RSPH10B2: variants seen among roughly 807,000 people sequenced by gnomAD.
RSPH10B2 encodes radial spoke head 10 homolog B2 (Chlamydomonas).
RSPH10B2 carries 9 observed loss-of-function variants against 49.0 expected under a neutral mutation model. The observed-to-expected ratio is 0.18, with a 90% CI of 0.11 to 0.32. The LOEUF (loss-of-function observed/expected upper bound fraction) is 0.32. Ranked by LOEUF, RSPH10B2 falls within the 10% of genes least tolerant of loss-of-function variation. The probability of loss-of-function intolerance (pLI) is 1.00; values close to 1 mark genes in which losing one functional copy is unlikely to be tolerated. For synonymous variants in RSPH10B2, 35 were observed against 210.2 expected, an observed-to-expected ratio of 0.17 and a Z score of 7.21; for missense variants, 95 against 589.9, an observed-to-expected ratio of 0.16 and a Z score of 8.69.
chr7:6,756,099 T>C (rs1196864782), upstream of RSPH10B2, among the ~76,000 whole-genome samples: 5 of 150,224 alleles, frequency 3.3e-5, no homozygotes, highest in Admixed American at 2.6e-4. Context: ...AAACCCCGTC[T>C]CTACTAAAAA....
intron 6 of RSPH10B2, among the ~76,000 whole-genome samples, chr7:6,768,382 G>T (rs1321099856): frequency 1.3e-5 from 2 of 151,896 alleles, no homozygotes; most frequent in Non-Finnish European, 2.9e-5. Flanking sequence ...TACAGACGAG[G>T]AACTTAGAGG....
chr7:6,756,235 A>G (rs1176000063), upstream of RSPH10B2, among the ~76,000 whole-genome samples: 23 of 140,258 alleles, frequency 1.6e-4, no homozygotes, highest in African/African-American at 6.3e-4. Context: ...GCACCACCGC[A>G]CTCCAGCCTG....
chr7:6,795,739 T>C (rs1349175380), intron 17 of RSPH10B2, among the ~76,000 whole-genome samples: 2 of 146,404 alleles, frequency 1.4e-5, no homozygotes, highest in Non-Finnish European at 3.0e-5. Flanking sequence ...CCAGCCTGGA[T>C]GACAGAGCAT....
In RSPH10B2 at chr7:6,766,943, A is replaced by G. The variant is rs1650813523; in HGVS notation, c.780+66A>G. 30 of 1,166,736 alleles carry G rather than the reference A, an allele frequency of 2.6e-5. 6 individuals are homozygous for G. The highest frequency in any genetic ancestry group is 3.3e-5 in the Non-Finnish European group (29 of 875,608). The allele number at this position is 1,166,736 out of a possible 1,614,324, so 72.3% of individuals were successfully genotyped here. A position where few individuals can be genotyped will look rare whatever the true frequency, so the allele number is the denominator to read the frequency against. Reference sequence around the variant, plus strand: ...TGCTCCGCCGATTCTCAACACATGTATATTTCTTTTTGGGTTTTGTTTTTG... The same window carrying G: ...TGCTCCGCCGATTCTCAACACATGTGTATTTCTTTTTGGGTTTTGTTTTTG... On this transcript the variant is annotated intron_variant, in intron 6 of 18. Transcript: ENST00000297186.
rs1372749392 is a variant in RSPH10B2, at chr7:6,782,062, C to T, written c.1758+586C>T. Among the ~76,000 whole-genome samples, 31 of 110,442 alleles carry T rather than the reference C, an allele frequency of 2.8e-4. 3 individuals carry two copies. The highest frequency in any genetic ancestry group is 7.0e-4 in the African/African-American group (20 of 28,450). The allele number at this position is 110,442 out of a possible 152,430, so 72.5% of individuals were successfully genotyped here. On this transcript the variant is annotated intron_variant, in intron 13 of 18. Coordinates refer to ENST00000297186, the Ensembl canonical transcript of RSPH10B2. ...CTAAGTAGCTGGGATTACAGGTGCCCGCCACCACACCTGGCTAATTTTTGT... is the reference window on the plus strand; with the variant it reads ...CTAAGTAGCTGGGATTACAGGTGCCTGCCACCACACCTGGCTAATTTTTGT...
chr7:6,780,908 G>A lies in RSPH10B2; in HGVS notation c.1609+20G>A, dbSNP rs1781912321. On this transcript the variant is annotated intron_variant, in intron 12 of 18. Coordinates refer to ENST00000297186, the Ensembl canonical transcript of RSPH10B2. ...TAAAAGGTAAATACAAAACCAATAG[G>A]ATTCTATTTACCGCCCCATTTTTTT... 1 of 1,419,398 alleles carries A rather than the reference G, an allele frequency of 7.0e-7. No homozygotes were observed. Among genetic ancestry groups the A allele is most frequent in the Non-Finnish European group, 9.3e-7 (1 of 1,073,764 alleles). 87.9% of individuals were successfully genotyped at this position (1,419,398 alleles called of 1,614,324 possible). A position where few individuals can be genotyped will look rare whatever the true frequency, so the allele number is the denominator to read the frequency against.
intron 4 of RSPH10B2, among the ~76,000 whole-genome samples, chr7:6,764,365 A>ATT (rs549293309): frequency 2.1e-5 from 3 of 145,616 alleles, no homozygotes; most frequent in South Asian, 4.6e-4. Flanking sequence ...CATTTTATTA[A>ATT]TTTTTTTTTT....
chr7:6,776,985 G>A lies in RSPH10B2; in HGVS notation c.1414+439G>A, dbSNP rs545345961. Among the ~76,000 whole-genome samples, 991 of 120,356 alleles carry A rather than the reference G, an allele frequency of 8.2e-3. 8 individuals carry two copies. Among genetic ancestry groups the A allele is most frequent in the African/African-American group, 0.029 (930 of 32,078 alleles). The allele number at this position is 120,356 out of a possible 152,430, so 79.0% of individuals were successfully genotyped here. On this transcript the variant is annotated intron_variant, in intron 10 of 18. Transcript: ENST00000297186. ...AGCAGTACTGGTCCATGGCCCGTTA[G>A]GAAACAGGCTACACAGTGGAAGGTG...
At chr7:6,791,733 G>T (rs1287941401) in intron 16 of RSPH10B2, among the ~76,000 whole-genome samples, 171 bp from the exon 19 acceptor site, 5 of 98,144 alleles carry the variant, frequency 5.1e-5, no homozygotes, top group Non-Finnish European at 9.3e-5. Flanking sequence ...AACAGAGCAA[G>T]ACTCTGTCTC....
At chr7:6,783,100 G>A (rs1782003756) in intron 13 of RSPH10B2, among the ~76,000 whole-genome samples, 1 of 111,640 alleles carries the variant, frequency 9.0e-6, no homozygotes, top group Non-Finnish European at 1.8e-5. Flanking sequence ...GTGAGGTCTC[G>A]GCTCACTGCA....
At chr7:6,774,206 T>G (rs1583510952) in intron 9 of RSPH10B2, among the ~76,000 whole-genome samples, 4 of 62,402 alleles carry the variant, frequency 6.4e-5, no homozygotes, top group Admixed American at 2.3e-4. Flanking sequence ...TGAGACGGAG[T>G]CCCTTTTGTC....
chr7:6,793,150 T>C lies in RSPH10B2; in HGVS notation c.2233+1153T>C, dbSNP rs1256291492. 3.7e-5 allele frequency among the ~76,000 whole-genome samples: 4 copies of C among 106,880 alleles called. 1 individual carries two copies. The highest frequency in any genetic ancestry group is 1.2e-4 in the African/African-American group (3 of 25,856). 70.1% of individuals were successfully genotyped at this position (106,880 alleles called of 152,430 possible). ...TTGAACTCCTGGATCCAAGAACTCC[T>C]GGATCTGAACGCCTTGACTCCCAAA... is the stretch of plus-strand genomic sequence containing the variant. On this transcript the variant is annotated intron_variant, in intron 17 of 18. Coordinates refer to ENST00000297186, the Ensembl canonical transcript of RSPH10B2.
chr7:6,781,521 T>G, intron 13 of RSPH10B2, 45 bp downstream of exon 15: 1 of 1,207,474 alleles, frequency 8.3e-7, no homozygotes, highest in Non-Finnish European at 1.1e-6. Flanking sequence ...ACAGGCACTT[T>G]GATTTTAATT....
At chr7:6,756,015 A>G (rs1465806040), upstream of RSPH10B2, among the ~76,000 whole-genome samples, 4 of 149,436 alleles carry the variant, frequency 2.7e-5, no homozygotes, top group East Asian at 2.0e-4. Flanking sequence ...CACGCCTGTA[A>G]TCCCAGCACT....
At chr7:6,791,162 C>T (rs1419969225) in intron 16 of RSPH10B2, among the ~76,000 whole-genome samples, 16 of 130,378 alleles carry the variant, frequency 1.2e-4, no homozygotes, top group Admixed American at 8.2e-5. Flanking sequence ...CCCCCACGCC[C>T]GGCTAATTTT....
chr7:6,772,025 GA>G (rs201152080), intron 8 of RSPH10B2, among the ~76,000 whole-genome samples: 64 of 134,324 alleles, frequency 4.8e-4, no homozygotes, highest in African/African-American at 5.6e-4. Context: ...AAATAAAATG[GA>G]AAAAAAAAAA....
rs1456072090 is a variant in RSPH10B2, at chr7:6,758,864, AAAAC to A, written c.255-212_255-209del. Reference sequence around the variant, plus strand: ...ACTCCATCTCAAAAAAAATCCCCAAAAAACAAACAAAAAAACCCCGAAATGCCTT... The same window carrying A: ...ACTCCATCTCAAAAAAAATCCCCAAAAAACAAAAAAACCCCGAAATGCCTT... On this transcript the variant is annotated intron_variant, in intron 1 of 18. Transcript: ENST00000297186. 6.6e-5 allele frequency among the ~76,000 whole-genome samples: 9 copies of A among 136,162 alleles called. 1 individual carries two copies. The highest frequency in any genetic ancestry group is 1.6e-4 in the African/African-American group (6 of 36,698). The allele number at this position is 136,162 out of a possible 152,430, so 89.3% of individuals were successfully genotyped here.
At chr7:6,794,110 T>C (rs1782468766) in intron 17 of RSPH10B2, 1 of 156,864 alleles carries the variant, frequency 6.4e-6, no homozygotes, top group Non-Finnish European at 1.4e-5. Context: ...GGGGGCTGTG[T>C]ACATGCTCAC....
chr7:6,796,212 G>A (rs1331250925), intron 17 of RSPH10B2, among the ~76,000 whole-genome samples: 2 of 117,692 alleles, frequency 1.7e-5, no homozygotes, highest in African/African-American at 6.2e-5. Flanking sequence ...TACTCGGGAG[G>A]CTGAGGCATG....
Sources: gnomAD v4.1 joint callset for allele counts (sites outside exome capture counted in the v4.1 genomes callset) on GRCh38, gnomAD v4.1.1 for gene constraint, MANE v1.5 for transcripts, NCBI Gene and HGNC (gene_info 2026-07-23, HGNC 2026-07-21) for gene names.